The following FBLN2 variants were observed in gnomAD, a reference collection of about 807,000 sequenced individuals.
FBLN2 encodes fibulin-2.
FBLN2 carries 81 observed loss-of-function variants against 123.7 expected under a neutral mutation model. The ratio of observed to expected loss-of-function variants is 0.65; its 90% CI spans 0.55 to 0.79. The LOEUF (loss-of-function observed/expected upper bound fraction) is 0.79. FBLN2 is among the 30% of genes least tolerant of loss of function. The probability of loss-of-function intolerance (pLI) is 0.00; values close to 1 mark genes in which losing one functional copy is unlikely to be tolerated. For missense variants in FBLN2, 1,603 were observed against 1,681.3 expected, an observed-to-expected ratio of 0.95 and a Z score of 0.81; for synonymous variants, 699 against 701.4, an observed-to-expected ratio of 1.00 and a Z score of 0.05.
Position 13,638,003 on chromosome 3 carries a change from T to C in FBLN2, c.*84T>C. 1 of 1,251,756 alleles carries C rather than the reference T, an allele frequency of 8.0e-7. No homozygotes were observed. 77.5% of individuals were successfully genotyped at this position (1,251,756 alleles called of 1,614,324 possible). Reference sequence around the variant, plus strand: ...GGGACTGGGTCACTATTGTGGTTTTTACTATAACTTTGTAAATTAACTTAA... The same window carrying C: ...GGGACTGGGTCACTATTGTGGTTTTCACTATAACTTTGTAAATTAACTTAA... On this transcript the variant is annotated 3_prime_UTR_variant, in exon 18 of 18. Transcript: ENST00000404922.
rs1468315331 is a variant in FBLN2, at chr3:13,638,253, T to C, written c.*334T>C. On this transcript the variant is annotated 3_prime_UTR_variant, in exon 18 of 18. Coordinates refer to ENST00000404922, the MANE Select transcript of FBLN2 (RefSeq NM_001004019.2). ...TCCTCTGGATGACCCGTCCCCAAAG[T>C]TGACATTCCATTTCATGTTCCACTG... The C allele has an allele frequency of 3.7e-6, 2 of 546,854 alleles. No individual in the cohort carries two copies. Among genetic ancestry groups the C allele is most frequent in the Middle Eastern group, 2.7e-4 (1 of 3,690 alleles). The allele number at this position is 546,854 out of a possible 1,614,324, so 33.9% of individuals were successfully genotyped here.
chr3:13,600,241 C>T (rs1028901692), intron 2 of FBLN2, among the ~76,000 whole-genome samples: 2 of 152,092 alleles, frequency 1.3e-5, no homozygotes, highest in Non-Finnish European at 1.5e-5. Context: ...CTTTGCCTGG[C>T]TCTGCCTCCC....
chr3:13,573,292 G>A (rs575263965), intron 2 of FBLN2, among the ~76,000 whole-genome samples: 9 of 151,504 alleles, frequency 5.9e-5, no homozygotes, highest in Admixed American at 1.3e-4. Context: ...TGTTTCCCCC[G>A]CCTGGAGCAC....
In FBLN2 at chr3:13,629,948, A is replaced by G; in HGVS notation, c.2968+3A>G. ...AGCGGACGGCAAGCGCTGTGAAGGT[A>G]GGCTGGCCCTCATCTCTGACCCTAT... On this transcript the variant is annotated splice_donor_region_variant and intron_variant, in intron 14 of 17. Transcript: ENST00000404922. 1 of 1,610,324 alleles carries G rather than the reference A, an allele frequency of 6.2e-7. No homozygotes were observed. The highest frequency in any genetic ancestry group is 8.5e-7 in the Non-Finnish European group (1 of 1,178,972).
intron 2 of FBLN2, among the ~76,000 whole-genome samples, chr3:13,602,144 C>A (rs1705053392): frequency 6.6e-6 from 1 of 152,106 alleles, no homozygotes; most frequent in South Asian, 2.1e-4. Context: ...TCTAATCCTG[C>A]CTTTATAGAT....
At chr3:13,602,232 C>T (rs984088406) in intron 2 of FBLN2, among the ~76,000 whole-genome samples, 5 of 152,178 alleles carry the variant, frequency 3.3e-5, no homozygotes, top group Admixed American at 6.5e-5. Flanking sequence ...TGAATGCCAC[C>T]TTCATCATAT....
chr3:13,560,969 G>GA (rs199530857), intron 1 of FBLN2, among the ~76,000 whole-genome samples: 2,881 of 150,430 alleles, frequency 0.019, 92 homozygotes, highest in African/African-American at 0.066. Flanking sequence ...TCTTTGAAGG[G>GA]AAAAAAACAC....
chr3:13,628,098 C>T (rs1027053288), intron 11 of FBLN2, 129 bp downstream of exon 11: 166 of 1,226,312 alleles, frequency 1.4e-4, no homozygotes, highest in Non-Finnish European at 1.4e-4. Context: ...GCCCCCTTGT[C>T]CCTACCTGTG....
In FBLN2 at chr3:13,618,989, G is replaced by A. The variant is rs748446062; in HGVS notation, c.2025G>A (p.Leu675=). Residue 675 remains leucine (L), a synonymous_variant, in exon 7 of 18, where the codon CTG becomes CTA. Coordinates refer to ENST00000404922, the MANE Select transcript of FBLN2 (RefSeq NM_001004019.2). ...FSQVASNTIP[L]PLPQPNTCKD... is the part of the protein sequence containing the mutation. ...AGGTGGCCTCTAACACCATCCCGCT[G>A]CCACTGCCGCAGCCCAATACCTGCA... The A allele has an allele frequency of 1.2e-6, 2 of 1,612,592 alleles. No individual in the cohort carries two copies. Among genetic ancestry groups the A allele is most frequent in the South Asian group, 1.1e-5 (1 of 90,636 alleles).
At chr3:13,577,896 C>G (rs1704201323) in intron 2 of FBLN2, among the ~76,000 whole-genome samples, 1 of 152,262 alleles carries the variant, frequency 6.6e-6, no homozygotes, top group Non-Finnish European at 1.5e-5. Context: ...CCTGGAGATA[C>G]TCTGCATGGA....
At chr3:13,637,156 GC>G (rs1445623813) in intron 17 of FBLN2, among the ~76,000 whole-genome samples, 1 of 152,196 alleles carries the variant, frequency 6.6e-6, no homozygotes, top group East Asian at 1.9e-4. Context: ...CAGCCACACG[GC>G]CCGGCACTTG....
chr3:13,636,927 A>C (rs1470219400), intron 17 of FBLN2, among the ~76,000 whole-genome samples: 2 of 151,368 alleles, frequency 1.3e-5, no homozygotes, highest in African/African-American at 4.9e-5. Context: ...TGGTGTAGCT[A>C]GGTGGTCTGG....
intron 8 of FBLN2, 35 bp from the exon 9 acceptor site, chr3:13,621,740 A>C (rs373523099): frequency 6.8e-6 from 11 of 1,611,626 alleles, no homozygotes; most frequent in Non-Finnish European, 9.3e-6. Flanking sequence ...TCCCTCTAAC[A>C]GTCCTTCTGT....
chr3:13,607,995 G>GC, intron 2 of FBLN2, 67 bp from the exon 3 acceptor site: 1 of 1,268,426 alleles, frequency 7.9e-7, no homozygotes, highest in Non-Finnish European at 1.1e-6. Context: ...ACCTGGACAG[G>GC]CCCCTGCATA....
chr3:13,631,501 G>A, intron 16 of FBLN2, 44 bp downstream of exon 16: 1 of 1,545,434 alleles, frequency 6.5e-7, no homozygotes, highest in East Asian at 2.4e-5. Context: ...TCAGGGCCTT[G>A]GGCAGGCTCC....
At chr3:13,605,743 GT>G (rs1428158472) in intron 2 of FBLN2, among the ~76,000 whole-genome samples, 1 of 152,210 alleles carries the variant, frequency 6.6e-6, no homozygotes. Flanking sequence ...GGTCCTTGAT[GT>G]TGCGTGTGCT....
At chr3:13,554,604 C>CAGAGACACTCACTGTCCTT (rs869027158) in intron 1 of FBLN2, among the ~76,000 whole-genome samples, 1 of 9,170 alleles carries the variant, frequency 1.1e-4, no homozygotes, top group Non-Finnish European at 2.5e-4. Flanking sequence ...CCCTAGTCCT[C>CAGAGACACTCACTGTCCTT]GTGGTGGTTG....
intron 2 of FBLN2, among the ~76,000 whole-genome samples, chr3:13,577,723 C>T: frequency 6.6e-6 from 1 of 152,140 alleles, no homozygotes; most frequent in South Asian, 2.1e-4. Flanking sequence ...AGGTGGCTGC[C>T]CCAGGTCCAC....
At chr3:13,628,242 C>G (rs867069051) in intron 11 of FBLN2, among the ~76,000 whole-genome samples, 25 of 152,312 alleles carry the variant, frequency 1.6e-4, no homozygotes, top group African/African-American at 5.5e-4. Context: ...TGGGGTTGGA[C>G]TGGATACGAA....
Sources: allele counts gnomAD v4.1 joint callset (sites outside exome capture counted in the v4.1 genomes callset), GRCh38; gene constraint gnomAD v4.1.1; transcripts MANE v1.5; gene names NCBI Gene and HGNC (gene_info 2026-07-23, HGNC 2026-07-21).